The following RINT1 variants were observed in gnomAD, a reference collection of about 807,000 sequenced individuals.
The protein encoded by RINT1 is RAD50-interacting protein 1.
A neutral mutation model predicts 97.7 loss-of-function variants in RINT1; 75 were observed. The ratio of observed to expected loss-of-function variants is 0.77; its 90% CI spans 0.64 to 0.93. The LOEUF is 0.93. RINT1 is among the 40% of genes least tolerant of loss of function. The pLI, the probability that RINT1 is intolerant of heterozygous loss-of-function variation, is 0.00. For synonymous variants in RINT1, 303 were observed against 326.3 expected, an observed-to-expected ratio of 0.93 and a Z score of 0.77; for missense variants, 892 against 925.2, an observed-to-expected ratio of 0.96 and a Z score of 0.47.
At chr7:105,533,268 A>G (rs1790105933) in intron 2 of RINT1, among the ~76,000 whole-genome samples, 1 of 152,172 alleles carries the variant, frequency 6.6e-6, no homozygotes, top group East Asian at 1.9e-4. Context: ...GAGGCAAATG[A>G]CAGTTGTTTA....
intron 11 of RINT1, among the ~76,000 whole-genome samples, chr7:105,557,841 A>G (rs905120497): frequency 2.6e-5 from 4 of 152,174 alleles, no homozygotes; most frequent in African/African-American, 9.6e-5. Context: ...GATAAACACA[A>G]TCATCATAGT....
chr7:105,547,081 A>G lies in RINT1; in HGVS notation c.687A>G (p.Thr229=). The part of the protein sequence containing the change: ...FWHKILKDKL[T]SDFEEILAQL... Reference sequence around the variant, plus strand: ...ATAAAATTCTCAAGGACAAGCTTACAAGGTAGGGAATTTACCCATATTTTG... The same window carrying G: ...ATAAAATTCTCAAGGACAAGCTTACGAGGTAGGGAATTTACCCATATTTTG... Residue 229 remains threonine, a splice_region_variant and synonymous_variant, in exon 5 of 15, where the codon ACA becomes ACG. Transcript: ENST00000257700. 6.2e-7 allele frequency: 1 copy of G among 1,613,686 alleles called. No homozygotes were observed. The highest frequency in any genetic ancestry group is 1.7e-5 in the Admixed American group (1 of 59,950).
chr7:105,542,176 A>G, intron 3 of RINT1: 1 of 354,986 alleles, frequency 2.8e-6, no homozygotes, highest in Non-Finnish European at 5.0e-6. Flanking sequence ...TTAAAGAAAA[A>G]AAAAAAAGAA....
At chr7:105,551,892 G>A (rs1263968057) in intron 10 of RINT1, among the ~76,000 whole-genome samples, 185 bp downstream of exon 10, 2 of 151,994 alleles carry the variant, frequency 1.3e-5, no homozygotes, top group African/African-American at 4.8e-5. Flanking sequence ...ATGGTGAAAT[G>A]CCCTCTCTTC....
chr7:105,550,049 C>T lies in RINT1; in HGVS notation c.997-6C>T. On this transcript the variant is annotated splice_region_variant and splice_polypyrimidine_tract_variant and intron_variant, in intron 7 of 14. Transcript: ENST00000257700. ...AAGAATTCAAACTATTTTCCTCCTTCCTTAGCCAGAATGGTACTTGGCTCA... is the reference window on the plus strand; with the variant it reads ...AAGAATTCAAACTATTTTCCTCCTTTCTTAGCCAGAATGGTACTTGGCTCA... 6.4e-7 allele frequency: 1 copy of T among 1,573,162 alleles called. No individual in the cohort carries two copies. Among genetic ancestry groups the T allele is most frequent in the Non-Finnish European group, 8.7e-7 (1 of 1,150,168 alleles).
In RINT1 at chr7:105,551,607, A is replaced by G; in HGVS notation, c.1371A>G (p.Glu457=). 6.2e-7 allele frequency: 1 copy of G among 1,609,172 alleles called. No individual in the cohort carries two copies. The highest frequency in any genetic ancestry group is 8.5e-7 in the Non-Finnish European group (1 of 1,177,438). The stretch of plus-strand genomic sequence containing the variant: ...AAATGGACTCAATGCTTTCCTCAGA[A>G]GCTGCCTGGGTATCGCAATATAAGG... ...LQKMDSMLSS[E]AAWVSQYKDI... is the part of the protein sequence containing the mutation. Residue 457 remains glutamate, a synonymous_variant, in exon 10 of 15, where the codon GAA becomes GAG. Transcript: ENST00000257700.
At chr7:105,542,303 C>A in intron 3 of RINT1, 105 bp from the exon 4 acceptor site, 1 of 842,382 alleles carries the variant, frequency 1.2e-6, no homozygotes. Context: ...CCACTGCACT[C>A]CAGCCTGGGC....
rs1387130263 is a variant in RINT1, at chr7:105,540,228, C to T, written c.274-2180C>T. On this transcript the variant is annotated intron_variant, in intron 3 of 14. Transcript: ENST00000257700. ...CTGAATAGCTGGGATTACAGGCATG[C>T]GCCACCATCCTCAGCTCATTTTTGT... Among the ~76,000 whole-genome samples, 9 of 150,932 alleles carry T rather than the reference C, an allele frequency of 6.0e-5. No homozygotes were observed. The South Asian group carries it at 1.3e-3, about 21-fold the overall frequency.
chr7:105,550,433 A>G lies in RINT1; in HGVS notation c.1280A>G (p.His427Arg), dbSNP rs1790879950. The G allele has an allele frequency of 6.2e-7, 1 of 1,614,148 alleles. No individual in the cohort carries two copies. The highest frequency in any genetic ancestry group is 1.1e-5 in the South Asian group (1 of 91,084). ...CCTGGCACTTTTGCTAGTTGTATGCATATTCTATCAGAGGAAACCTGTTTT... is the reference window on the plus strand; with the variant it reads ...CCTGGCACTTTTGCTAGTTGTATGCGTATTCTATCAGAGGAAACCTGTTTT... ...GYPGTFASCM[H>R]ILSEETCFQR... The change falls in exon 9 of 15, where the codon CAT (histidine) becomes CGT (arginine). Residue 427 changes from histidine (H) to arginine (R), a missense_variant. By Grantham distance (29) the His-to-Arg change is conservative (BLOSUM62 0). Transcript: ENST00000257700.
In RINT1 at chr7:105,551,715, T is replaced by C; in HGVS notation, c.1471+8T>C. The C allele has an allele frequency of 6.3e-7, 1 of 1,586,282 alleles. No individual in the cohort carries two copies. The highest frequency in any genetic ancestry group is 8.6e-7 in the Non-Finnish European group (1 of 1,168,400). ...TACTCTTGGTTATAACTGGTAAGTA[T>C]GTCTTTTAAGATATGACTTTGTTTT... On this transcript the variant is annotated splice_region_variant and intron_variant, in intron 10 of 14. Coordinates refer to ENST00000257700, the MANE Select transcript of RINT1 (RefSeq NM_021930.6).
At chr7:105,533,511 G>C (rs1229882622) in intron 2 of RINT1, among the ~76,000 whole-genome samples, 1 of 152,150 alleles carries the variant, frequency 6.6e-6, no homozygotes, top group Non-Finnish European at 1.5e-5. Flanking sequence ...TTTTGGGAGA[G>C]GAAGGGGAAA....
intron 3 of RINT1, among the ~76,000 whole-genome samples, chr7:105,540,466 T>G (rs922894251): frequency 1.3e-5 from 2 of 152,150 alleles, no homozygotes; most frequent in Non-Finnish European, 2.9e-5. Context: ...TTCACCATGT[T>G]GGCAAGTGTG....
intron 9 of RINT1, among the ~76,000 whole-genome samples, chr7:105,550,794 G>T (rs1290461473): frequency 6.6e-6 from 1 of 151,844 alleles, no homozygotes; most frequent in African/African-American, 2.4e-5. Context: ...TTGCTCTGTT[G>T]TCCAGGCTAA....
At chr7:105,560,940 C>T (rs1048471293) in intron 11 of RINT1, among the ~76,000 whole-genome samples, 19 of 151,972 alleles carry the variant, frequency 1.3e-4, no homozygotes, top group Non-Finnish European at 1.6e-4. Flanking sequence ...AGGCTGATCT[C>T]GAACCTCAGA....
intron 12 of RINT1, among the ~76,000 whole-genome samples, chr7:105,564,402 AATAAACTGATT>A (rs1335214811): frequency 2.0e-5 from 3 of 152,154 alleles, no homozygotes; most frequent in Non-Finnish European, 4.4e-5. Flanking sequence ...TCTTAATCAG[AATAAACTGATT>A]ATAATTTAGT....
intron 10 of RINT1, among the ~76,000 whole-genome samples, chr7:105,554,161 G>A (rs1791069089): frequency 6.6e-6 from 1 of 151,924 alleles, no homozygotes; most frequent in Non-Finnish European, 1.5e-5. Context: ...GCCTCCCAAA[G>A]TGCTGGGATT....
In RINT1 at chr7:105,557,022, G is replaced by T. The variant is rs184347822; in HGVS notation, c.1671+1795G>T. 2.6e-3 allele frequency among the ~76,000 whole-genome samples: 403 copies of T among 152,194 alleles called. 1 individual carries two copies. Among genetic ancestry groups the T allele is most frequent in the Non-Finnish European group, 5.3e-3 (357 of 67,998 alleles). On this transcript the variant is annotated intron_variant, in intron 11 of 14. Coordinates refer to ENST00000257700, the MANE Select transcript of RINT1 (RefSeq NM_021930.6). ...CTGTGAGAATACAAAATCAACTTAG[G>T]TTTATACCAACTTGGGTGTCCCATA...
chr7:105,549,457 T>C (rs550821134), intron 7 of RINT1, among the ~76,000 whole-genome samples: 6 of 152,158 alleles, frequency 3.9e-5, no homozygotes, highest in Admixed American at 2.6e-4. Context: ...CAAGCGATTC[T>C]CCTGCCTCAG....
At chr7:105,535,491 G>A (rs1438978648) in intron 2 of RINT1, 1 of 426,918 alleles carries the variant, frequency 2.3e-6, no homozygotes, top group Non-Finnish European at 4.7e-6. Flanking sequence ...ACCTCCCAAA[G>A]TGCTGAGATT....
Sources: allele counts gnomAD v4.1 joint callset (sites outside exome capture counted in the v4.1 genomes callset), GRCh38; gene constraint gnomAD v4.1.1; transcripts MANE v1.5; gene names NCBI Gene and HGNC (gene_info 2026-07-23, HGNC 2026-07-21).